The following GPR158 variants were observed in gnomAD, a reference collection of about 807,000 sequenced individuals.
GPR158 encodes metabotropic glycine receptor.
Under a neutral mutation model 78.2 loss-of-function variants are expected in GPR158, and 30 were observed. The ratio of observed to expected loss-of-function variants is 0.38; its 90% confidence interval spans 0.29 to 0.52. The LOEUF is 0.52. GPR158 is among the 20% of genes least tolerant of loss of function. The pLI, the probability that GPR158 is intolerant of heterozygous loss-of-function variation, is 0.83. For missense variants in GPR158, 1,463 were observed against 1,523.5 expected (o/e 0.96, Z 0.66); for synonymous variants, 581 against 591.1 (o/e 0.98, Z 0.25).
intron 1 of GPR158, among the ~76,000 whole-genome samples, chr10:25,215,242 C>CT (rs1166771641): frequency 6.6e-6 from 1 of 152,136 alleles, no homozygotes; most frequent in African/African-American, 2.4e-5. Flanking sequence ...GGACATTATA[C>CT]TAAGTGAAAT....
chr10:25,397,819 G>A (rs956174074), intron 3 of GPR158, among the ~76,000 whole-genome samples: 1 of 152,118 alleles, frequency 6.6e-6, no homozygotes, highest in African/African-American at 2.4e-5. Flanking sequence ...CCCTTGCTTA[G>A]GTTCTGTTAT....
At chr10:25,454,737 T>C (rs575033127) in intron 4 of GPR158, among the ~76,000 whole-genome samples, 63 of 152,204 alleles carry the variant, frequency 4.1e-4, no homozygotes, top group Non-Finnish European at 3.4e-4. Flanking sequence ...TATAAACAGA[T>C]AGTTTTTTCT....
At chr10:25,353,137 A>G (rs932131176) in intron 2 of GPR158, among the ~76,000 whole-genome samples, 1 of 152,058 alleles carries the variant, frequency 6.6e-6, no homozygotes, top group Admixed American at 6.6e-5. Context: ...TTAACTATCT[A>G]CAAATTAGGG....
chr10:25,180,543 C>T (rs1238673288), intron 1 of GPR158, among the ~76,000 whole-genome samples: 2 of 152,146 alleles, frequency 1.3e-5, no homozygotes, highest in Non-Finnish European at 2.9e-5. Context: ...TATACACTTA[C>T]TCTTTTTGGG....
chr10:25,333,815 AG>A (rs1033110832), intron 2 of GPR158, among the ~76,000 whole-genome samples: 3 of 152,100 alleles, frequency 2.0e-5, no homozygotes, highest in African/African-American at 7.2e-5. Context: ...ATTTAAATGT[AG>A]ACGATTTCCT....
At chr10:25,372,945 A>G (rs1203852084) in intron 2 of GPR158, among the ~76,000 whole-genome samples, 2 of 151,994 alleles carry the variant, frequency 1.3e-5, no homozygotes, top group African/African-American at 4.8e-5. Flanking sequence ...CAATCTTATT[A>G]CTCGGTATAT....
chr10:25,588,400 G>T (rs1394071413), intron 7 of GPR158, among the ~76,000 whole-genome samples: 2 of 152,136 alleles, frequency 1.3e-5, no homozygotes, highest in African/African-American at 4.8e-5. Flanking sequence ...ATCAAACAAG[G>T]TGATTGTGAA....
At chr10:25,377,999 A>G (rs1244484026) in intron 2 of GPR158, among the ~76,000 whole-genome samples, 1 of 152,094 alleles carries the variant, frequency 6.6e-6, no homozygotes, top group East Asian at 1.9e-4. Context: ...ACAATGTATA[A>G]GCATTCCAGT....
intron 2 of GPR158, among the ~76,000 whole-genome samples, chr10:25,373,867 T>C (rs1441809038): frequency 6.6e-6 from 1 of 151,784 alleles, no homozygotes; most frequent in African/African-American, 2.4e-5. Flanking sequence ...ATTTTATAAA[T>C]CCAATTTATA....
At chr10:25,339,897 C>T (rs1278889510) in intron 2 of GPR158, among the ~76,000 whole-genome samples, 1 of 152,084 alleles carries the variant, frequency 6.6e-6, no homozygotes, top group Non-Finnish European at 1.5e-5. Flanking sequence ...CAGCTGGGTT[C>T]ATTTTGCTTC....
At chr10:25,572,165 T>C (rs1837017582) in intron 6 of GPR158, among the ~76,000 whole-genome samples, 1 of 152,208 alleles carries the variant, frequency 6.6e-6, no homozygotes, top group Admixed American at 6.5e-5. Flanking sequence ...TCTAAAGTCC[T>C]GAGAATTTTC....
chr10:25,336,335 C>T (rs887191456), intron 2 of GPR158, among the ~76,000 whole-genome samples: 2 of 151,836 alleles, frequency 1.3e-5, no homozygotes, highest in African/African-American at 4.8e-5. Flanking sequence ...ATGAATAATA[C>T]CAAAGAATCA....
intron 4 of GPR158, among the ~76,000 whole-genome samples, chr10:25,441,175 T>G (rs1835061753): frequency 6.6e-6 from 1 of 152,180 alleles, no homozygotes; most frequent in African/African-American, 2.4e-5. Flanking sequence ...ACTCTCTTTA[T>G]CCATAGAATT....
At chr10:25,351,531 A>G (rs998104531) in intron 2 of GPR158, among the ~76,000 whole-genome samples, 4 of 151,896 alleles carry the variant, frequency 2.6e-5, no homozygotes, top group Non-Finnish European at 5.9e-5. Flanking sequence ...GAGGCTTCCT[A>G]GTTGGACCAC....
At chr10:25,287,566 T>C (rs929932864) in intron 2 of GPR158, among the ~76,000 whole-genome samples, 3 of 152,256 alleles carry the variant, frequency 2.0e-5, no homozygotes, top group Admixed American at 6.5e-5. Flanking sequence ...GCTCGTTGTA[T>C]GTGGTTCTCT....
intron 1 of GPR158, among the ~76,000 whole-genome samples, chr10:25,188,764 G>A (rs1588725302): frequency 6.6e-6 from 1 of 152,112 alleles, no homozygotes; most frequent in South Asian, 2.1e-4. Context: ...AATGGCAACA[G>A]AAGCCAAAAT....
At position 25,476,223 on chromosome 10, in the gene GPR158, T is replaced by C. The variant is rs1014795335; in HGVS notation, c.1404+9504T>C. Among the ~76,000 whole-genome samples, 16 of 152,238 alleles carry C rather than the reference T, an allele frequency of 1.1e-4. 1 individual carries two copies. Among genetic ancestry groups the C allele is most frequent in the African/African-American group, 3.9e-4 (16 of 41,542 alleles). On this transcript the variant is annotated intron_variant, in intron 5 of 10. Coordinates refer to ENST00000376351, the MANE Select transcript of GPR158 (RefSeq NM_020752.3). ...TCACCTAGCAACTTTGTATAATTTA[T>C]AAAAGAAAGAAAAGAGAATTTTAAG...
intron 2 of GPR158, among the ~76,000 whole-genome samples, chr10:25,337,486 T>C (rs1339102781): frequency 1.3e-5 from 2 of 152,106 alleles, no homozygotes; most frequent in African/African-American, 4.8e-5. Context: ...GCAATAGTAG[T>C]TTATTTCATT....
In GPR158 at chr10:25,369,600, G is replaced by A. The variant is rs1444572221; in HGVS notation, c.1009-26311G>A. On this transcript the variant is annotated intron_variant, in intron 2 of 10. Transcript: ENST00000376351. The stretch of plus-strand genomic sequence containing the variant: ...TTTTATTGAGGATTTTTGCATCGAT[G>A]TTCATCAAGGATATTGGTCTAAAAT... Among the ~76,000 whole-genome samples, 5 of 151,742 alleles carry A rather than the reference G, an allele frequency of 3.3e-5. 1 individual carries two copies. Among genetic ancestry groups the A allele is most frequent in the African/African-American group, 9.7e-5 (4 of 41,366 alleles).
Sources: gnomAD v4.1 joint callset for allele counts (sites outside exome capture counted in the v4.1 genomes callset) on GRCh38, gnomAD v4.1.1 for gene constraint, MANE v1.5 for transcripts, NCBI Gene and HGNC (gene_info 2026-07-23, HGNC 2026-07-21) for gene names.